Variants in TNFAIP8 observed in about 807,000 individuals in gnomAD.
TNFAIP8 encodes tumor necrosis factor alpha-induced protein 8.
Under a neutral mutation model 13.3 loss-of-function variants are expected in TNFAIP8, and 7 were observed. The ratio of observed to expected loss-of-function variants is 0.52; its 90% confidence interval spans 0.30 to 0.99. The LOEUF (loss-of-function observed/expected upper bound fraction) is 0.99. Among genes scored for constraint, TNFAIP8 ranks in the 50% least tolerant of loss-of-function variants. The pLI, the probability that TNFAIP8 is intolerant of heterozygous loss-of-function variation, is 0.07. For synonymous variants in TNFAIP8, 94 were observed against 87.6 expected, an observed-to-expected ratio of 1.07 and a Z score of -0.41; for missense variants, 258 against 236.9, an observed-to-expected ratio of 1.09 and a Z score of -0.58.
chr5:119,337,090 A>C (rs1036428004), intron 1 of TNFAIP8, among the ~76,000 whole-genome samples: 1 of 152,200 alleles, frequency 6.6e-6, no homozygotes, highest in Non-Finnish European at 1.5e-5. Flanking sequence ...TCTCCTGTTT[A>C]ATTGTCTCCT....
At chr5:119,367,444 T>C (rs1286749154) in intron 1 of TNFAIP8, among the ~76,000 whole-genome samples, 1 of 152,228 alleles carries the variant, frequency 6.6e-6, no homozygotes. Context: ...TAGAATAGTA[T>C]AGAACCTACC....
chr5:119,268,930 CGTCCCGCGCACACTCCAGCGCGCCT>C (rs1748175840), intron 1 of TNFAIP8: 3 of 697,768 alleles, frequency 4.3e-6, no homozygotes, highest in Non-Finnish European at 7.9e-6. Context: ...TGGGCGCGCC[CGTCCCGCGCACACTCCAGCGCGCCT>C]CTCCCGCCGC....
At position 119,395,094 on chromosome 5, in the gene TNFAIP8, G is replaced by A. The variant is rs1344215649; in HGVS notation, c.*1713G>A. On this transcript the variant is annotated 3_prime_UTR_variant, in exon 2 of 2. Transcript: ENST00000504771. ...TTGCTTGGCTAAGACAAGCAGCAAA[G>A]GTGTAGAGTTTCTTCCTGTTTGATA... is the stretch of plus-strand genomic sequence containing the variant. 1 of 152,178 alleles carries A rather than the reference G, an allele frequency of 6.6e-6. No individual in the cohort carries two copies. Among genetic ancestry groups the A allele is most frequent in the Non-Finnish European group, 1.5e-5 (1 of 68,034 alleles). The allele number at this position is 152,178 out of a possible 1,614,324, so 9.4% of individuals were successfully genotyped here.
intron 1 of TNFAIP8, among the ~76,000 whole-genome samples, chr5:119,306,014 C>T (rs1487449336): frequency 6.6e-6 from 1 of 152,210 alleles, no homozygotes; most frequent in African/African-American, 2.4e-5. Flanking sequence ...CCGCCCTGCC[C>T]TCAACCCCGC....
Position 119,301,062 on chromosome 5 carries a change from A to G in TNFAIP8, c.1+32155A>G, listed in dbSNP as rs570158570. On this transcript the variant is annotated intron_variant, in intron 1 of 1. Coordinates refer to the TNFAIP8 transcript ENST00000274456. ...AGAATTCAGATCCTTATTCATTGGC[A>G]AGATTATCATAAGTCTCCTAACCAG... Among the ~76,000 whole-genome samples, 95 of 152,304 alleles carry G rather than the reference A, an allele frequency of 6.2e-4. 2 individuals are homozygous for G. The highest frequency in any genetic ancestry group is 1.1e-3 in the Non-Finnish European group (77 of 68,024).
chr5:119,350,649 C>G (rs921372603), intron 1 of TNFAIP8, among the ~76,000 whole-genome samples: 2 of 152,226 alleles, frequency 1.3e-5, no homozygotes, highest in African/African-American at 2.4e-5. Flanking sequence ...TATTGTCTCT[C>G]TGTGTGTGCT....
At chr5:119,281,939 T>G (rs1237435214) in intron 1 of TNFAIP8, among the ~76,000 whole-genome samples, 1 of 152,248 alleles carries the variant, frequency 6.6e-6, no homozygotes, top group Non-Finnish European at 1.5e-5. Context: ...GGCTCAAATT[T>G]TCTTTCCTTG....
chr5:119,344,940 G>A (rs978165994), intron 1 of TNFAIP8, among the ~76,000 whole-genome samples: 4 of 152,294 alleles, frequency 2.6e-5, no homozygotes, highest in Non-Finnish European at 5.9e-5. Context: ...CAAGCAGACA[G>A]GTCCTAATGG....
rs1749132714 is a variant in TNFAIP8 at position 119,295,204 on chromosome 5, TAGGTCTAACGTTTAGTCTAACG to T, written c.1+26298_1+26319del. Among the ~76,000 whole-genome samples the T allele has an allele frequency of 9.3e-5, 4 of 43,222 alleles. No homozygotes were observed. The African/African-American group carries it at 1.2e-3, about 13-fold the overall frequency. The allele number at this position is 43,222 out of a possible 152,430, so 28.4% of individuals were successfully genotyped here. A position where few individuals can be genotyped will look rare whatever the true frequency, so the allele number is the denominator to read the frequency against. On this transcript the variant is annotated intron_variant, in intron 1 of 1. Coordinates refer to the TNFAIP8 transcript ENST00000274456. ...AACGTTTAGTCTAACGTTAGACCTA[TAGGTCTAACGTTTAGTCTAACG>T]TTAGACCTATAGGTCTAACGTTTAG...
At chr5:119,388,679 C>T (rs1039044277) in intron 1 of TNFAIP8, among the ~76,000 whole-genome samples, 9 of 151,980 alleles carry the variant, frequency 5.9e-5, no homozygotes, top group African/African-American at 2.2e-4. Context: ...TGCTGTGTCG[C>T]CCAGGCTGGA....
At chr5:119,295,833 A>C (rs1007446515) in intron 1 of TNFAIP8, among the ~76,000 whole-genome samples, 1 of 152,076 alleles carries the variant, frequency 6.6e-6, no homozygotes, top group Non-Finnish European at 1.5e-5. Context: ...TTCTCCTTGA[A>C]GAGGTCCTTC....
intron 1 of TNFAIP8, among the ~76,000 whole-genome samples, chr5:119,392,536 G>A (rs547559180): frequency 2.0e-5 from 3 of 152,078 alleles, no homozygotes; most frequent in Admixed American, 1.3e-4. Flanking sequence ...GATTATAGGT[G>A]CCCACCACCA....
intron 1 of TNFAIP8, among the ~76,000 whole-genome samples, chr5:119,360,660 A>C (rs1335471987): frequency 1.3e-5 from 2 of 152,206 alleles, no homozygotes; most frequent in Non-Finnish European, 2.9e-5. Context: ...TATCCTCTTT[A>C]ATACATGTTC....
chr5:119,321,044 G>A (rs1750038816), intron 1 of TNFAIP8, among the ~76,000 whole-genome samples: 1 of 152,148 alleles, frequency 6.6e-6, no homozygotes, highest in Non-Finnish European at 1.5e-5. Flanking sequence ...GTGAAACCCC[G>A]TCTCTACTAA....
chr5:119,303,902 A>G (rs1749468677), intron 1 of TNFAIP8, among the ~76,000 whole-genome samples: 1 of 152,184 alleles, frequency 6.6e-6, no homozygotes, highest in Non-Finnish European at 1.5e-5. Flanking sequence ...TACCTAAGTA[A>G]ACATACCCGG....
intron 1 of TNFAIP8, among the ~76,000 whole-genome samples, chr5:119,278,374 AGAGTGTGTGTGTGTGTGTGTGTGT>A (rs1748523611): frequency 8.1e-6 from 1 of 123,116 alleles, no homozygotes; most frequent in Admixed American, 7.8e-5. Context: ...AGAGAGAGAG[AGAGTGTGTGTGTGTGTGTGTGTGT>A]GTGTGTGTGT....
intron 1 of TNFAIP8, among the ~76,000 whole-genome samples, chr5:119,297,915 A>G (rs1178787829): frequency 1.3e-5 from 2 of 152,102 alleles, no homozygotes; most frequent in Non-Finnish European, 2.9e-5. Context: ...TTTATCAGAG[A>G]CTAGGATTGC....
intron 1 of TNFAIP8, chr5:119,391,281 A>G (rs1471338691): frequency 4.5e-6 from 3 of 665,538 alleles, no homozygotes; most frequent in Non-Finnish European, 8.2e-6. Context: ...TTATATAATC[A>G]TTGATGCCTT....
chr5:119,337,721 T>C (rs937069738), intron 1 of TNFAIP8, among the ~76,000 whole-genome samples: 1 of 152,242 alleles, frequency 6.6e-6, no homozygotes, highest in African/African-American at 2.4e-5. Flanking sequence ...ATTTCTCCAG[T>C]TCCTGTTTAC....
Sources: gnomAD v4.1 joint callset for allele counts (sites outside exome capture counted in the v4.1 genomes callset) on GRCh38, gnomAD v4.1.1 for gene constraint, MANE v1.5 for transcripts, NCBI Gene and HGNC (gene_info 2026-07-23, HGNC 2026-07-21) for gene names.